Variants in NARS2 observed in about 807,000 individuals in gnomAD.
NARS2 encodes asparaginyl-tRNA synthetase.
NARS2 carries 60 observed loss-of-function variants against 62.9 expected under a neutral mutation model. The ratio of observed to expected loss-of-function variants is 0.95; its 90% CI spans 0.77 to 1.18. NARS2 has a LOEUF of 1.18. NARS2 is among the 50% of genes most tolerant of loss of function. NARS2 has a pLI of 0.00. For synonymous variants in NARS2, 196 were observed against 200.0 expected, an observed-to-expected ratio of 0.98 and a Z score of 0.17; for missense variants, 619 against 576.4, an observed-to-expected ratio of 1.07 and a Z score of -0.76.
chr11:78,523,844 G>GA (rs1861211084), intron 6 of NARS2, among the ~76,000 whole-genome samples: 1 of 152,002 alleles, frequency 6.6e-6, no homozygotes, highest in Non-Finnish European at 1.5e-5. Context: ...AATGCTAATG[G>GA]AAAAAATTTG....
chr11:78,537,817 T>A (rs191661217), intron 5 of NARS2, among the ~76,000 whole-genome samples: 4 of 152,322 alleles, frequency 2.6e-5, no homozygotes, highest in Admixed American at 6.5e-5. Context: ...CGTACATACA[T>A]ACATACATGC....
intron 9 of NARS2, 26 bp downstream of exon 9, chr11:78,478,412 G>C (rs1248913922): frequency 1.0e-6 from 1 of 960,314 alleles, no homozygotes; most frequent in African/African-American, 1.7e-5. Context: ...AATGAATAAA[G>C]TTCAAAAAGT....
At chr11:78,549,893 T>C (rs4512883) in intron 5 of NARS2, among the ~76,000 whole-genome samples, 3,625 of 152,118 alleles carry the variant, frequency 0.024, 134 homozygotes, top group African/African-American at 0.082. Context: ...ATCTAGAATA[T>C]ATAAAATACC....
In NARS2 at chr11:78,530,445, TAA is replaced by T. The variant is rs752754537; in HGVS notation, c.595-1511_595-1510del. On this transcript the variant is annotated intron_variant, in intron 5 of 13. Coordinates refer to ENST00000281038, the MANE Select transcript of NARS2 (RefSeq NM_024678.6). ...GTTTCTCTCATTTCTTGTATTTATA[TAA>T]AAAAAAAGTCTGGTCTTAATAATAA... Among the ~76,000 whole-genome samples the T allele has an allele frequency of 2.6e-5, 4 of 151,448 alleles. No individual in the cohort carries two copies. In the South Asian group the frequency reaches 6.3e-4, roughly 24 times the overall value.
chr11:78,511,432 A>T (rs1565248661), intron 6 of NARS2, among the ~76,000 whole-genome samples: 1 of 152,082 alleles, frequency 6.6e-6, no homozygotes, highest in Non-Finnish European at 1.5e-5. Context: ...AATTTGTCAA[A>T]ACAGGCCAGG....
At chr11:78,536,640 A>G (rs1400406281) in intron 5 of NARS2, among the ~76,000 whole-genome samples, 1 of 152,220 alleles carries the variant, frequency 6.6e-6, no homozygotes, top group African/African-American at 2.4e-5. Context: ...ATGAAAGAGT[A>G]AAAATATTTT....
intron 7 of NARS2, among the ~76,000 whole-genome samples, chr11:78,485,898 G>C (rs1859552788): frequency 6.6e-6 from 1 of 152,126 alleles, no homozygotes; most frequent in Admixed American, 6.5e-5. Context: ...TTTTGAGACG[G>C]AGTCTTGCTC....
At chr11:78,459,071 T>C (rs963468701) in intron 11 of NARS2, among the ~76,000 whole-genome samples, 5 of 151,992 alleles carry the variant, frequency 3.3e-5, no homozygotes, top group South Asian at 2.1e-4. Context: ...CCTGCCACCA[T>C]GCCTGGCTAC....
chr11:78,441,692 C>G (rs1162350741), intron 12 of NARS2, among the ~76,000 whole-genome samples: 1 of 149,088 alleles, frequency 6.7e-6, no homozygotes, highest in African/African-American at 2.5e-5. Context: ...GTCTGGACAA[C>G]AGAGTGAGAC....
intron 9 of NARS2, among the ~76,000 whole-genome samples, chr11:78,470,637 C>G (rs1412184386): frequency 6.6e-6 from 1 of 152,112 alleles, no homozygotes; most frequent in African/African-American, 2.4e-5. Flanking sequence ...CCTGATATTT[C>G]ACGTTCTAAT....
chr11:78,453,026 C>T (rs1016372816), intron 11 of NARS2, among the ~76,000 whole-genome samples: 2 of 152,192 alleles, frequency 1.3e-5, no homozygotes, highest in African/African-American at 4.8e-5. Context: ...GGTTGCAGAG[C>T]AAAACTTCTT....
chr11:78,454,452 C>T (rs902135832), intron 11 of NARS2, among the ~76,000 whole-genome samples: 5 of 152,178 alleles, frequency 3.3e-5, no homozygotes, highest in Non-Finnish European at 5.9e-5. Flanking sequence ...TCCCTTCTTT[C>T]TTGCTCTCTG....
intron 6 of NARS2, among the ~76,000 whole-genome samples, chr11:78,501,464 A>G (rs1370908385): frequency 6.6e-6 from 1 of 152,186 alleles, no homozygotes; most frequent in Non-Finnish European, 1.5e-5. Context: ...TATGCTGAGA[A>G]CCACTATCTT....
chr11:78,470,766 T>C (rs1186517581), intron 9 of NARS2, among the ~76,000 whole-genome samples: 1 of 152,126 alleles, frequency 6.6e-6, no homozygotes, highest in Non-Finnish European at 1.5e-5. Flanking sequence ...TTTTATATTT[T>C]CTGAAAGGTT....
At chr11:78,542,384 A>G (rs1347560145) in intron 5 of NARS2, among the ~76,000 whole-genome samples, 1 of 152,244 alleles carries the variant, frequency 6.6e-6, no homozygotes, top group Non-Finnish European at 1.5e-5. Flanking sequence ...ATTGCAAAAC[A>G]GCAAACTTAT....
chr11:78,493,259 TTCAG>T (rs1859908353), intron 6 of NARS2, 64 bp from the exon 7 acceptor site: 4 of 1,470,724 alleles, frequency 2.7e-6, no homozygotes, highest in Middle Eastern at 1.7e-4. Flanking sequence ...TATTTAAATA[TTCAG>T]TGAGCTCTTA....
At chr11:78,529,460 G>A (rs1276819297) in intron 5 of NARS2, among the ~76,000 whole-genome samples, 1 of 152,112 alleles carries the variant, frequency 6.6e-6, no homozygotes, top group East Asian at 1.9e-4. Context: ...TAGGTAGCAG[G>A]AAAAGCATGA....
At chr11:78,495,606 T>A (rs1482680766) in intron 6 of NARS2, among the ~76,000 whole-genome samples, 1 of 152,142 alleles carries the variant, frequency 6.6e-6, no homozygotes, top group African/African-American at 2.4e-5. Flanking sequence ...GCTGAATGAA[T>A]GAGTACTAAT....
chr11:78,507,605 C>T (rs1370466931), intron 6 of NARS2, among the ~76,000 whole-genome samples: 3 of 151,586 alleles, frequency 2.0e-5, no homozygotes, highest in South Asian at 2.1e-4. Context: ...CTGCAAACTC[C>T]GCCTCCCGGG....
Sources: gnomAD v4.1 joint callset for allele counts (sites outside exome capture counted in the v4.1 genomes callset) on GRCh38, gnomAD v4.1.1 for gene constraint, MANE v1.5 for transcripts, NCBI Gene and HGNC (gene_info 2026-07-23, HGNC 2026-07-21) for gene names.